Variants in GORASP1 observed in about 807,000 individuals in gnomAD.
GORASP1 encodes the protein Golgi reassembly-stacking protein 1.
Under a neutral mutation model 37.7 loss-of-function variants are expected in GORASP1, and 31 were observed. The ratio of observed to expected loss-of-function variants is 0.82; its 90% CI spans 0.62 to 1.11. The LOEUF is 1.11. Among genes scored for constraint, GORASP1 ranks in the 50% least tolerant of loss-of-function variants. The pLI, the probability that GORASP1 is intolerant of heterozygous loss-of-function variation, is 0.00. For synonymous variants in GORASP1, 204 were observed against 224.8 expected, an observed-to-expected ratio of 0.91 and a Z score of 0.83; for missense variants, 476 against 560.7, an observed-to-expected ratio of 0.85 and a Z score of 1.53.
chr3:39,098,258 G>T lies in GORASP1; in HGVS notation c.1301C>A (p.Ala434Asp). 1 of 1,614,116 alleles carries T rather than the reference G, an allele frequency of 6.2e-7. No homozygotes were observed. The highest frequency in any genetic ancestry group is 8.5e-7 in the Non-Finnish European group (1 of 1,180,026). ...GTEAEGLDSQ[A>D]QISTTE ...GTGTTATTCTGTGGTAGAGATCTGGGCCTGGCTGTCCAGCCCCTCAGCCTC... is the reference window on the plus strand; with the variant it reads ...GTGTTATTCTGTGGTAGAGATCTGGTCCTGGCTGTCCAGCCCCTCAGCCTC... Residue 434 changes from alanine (A) to aspartate (D), a missense_variant, in exon 9 of 9, where the codon GCC becomes GAC. Physicochemically the swap from Ala to Asp is moderately radical, Grantham distance 126. Coordinates refer to ENST00000319283, the MANE Select transcript of GORASP1 (RefSeq NM_031899.4). This position sits in a 1 kb window ranked among gnomAD's most constrained non-coding sequence, Gnocchi z 4.7.
chr3:39,104,290 T>C lies in GORASP1; in HGVS notation c.64-737A>G, dbSNP rs560415201. 3.9e-5 allele frequency among the ~76,000 whole-genome samples: 6 copies of C among 152,222 alleles called. No homozygotes were observed. In the East Asian group the frequency reaches 1.2e-3, roughly 29 times the overall value. On this transcript the variant is annotated intron_variant, in intron 1 of 8. Coordinates refer to ENST00000319283, the MANE Select transcript of GORASP1 (RefSeq NM_031899.4). ...TGCAGGACACCTCCTCCAGGAAGCATTCCCATTTCCAGGGTGCTCCCTGCC... is the reference window on the plus strand; with the variant it reads ...TGCAGGACACCTCCTCCAGGAAGCACTCCCATTTCCAGGGTGCTCCCTGCC...
Position 39,100,237 on chromosome 3 carries a change from C to T in GORASP1, c.765+68G>A. ...TCACAAAGGCCCCTGGTGAGGGTTG[C>T]TGATGGCTCCCCAAGGGCAGCCTCT... On this transcript the variant is annotated intron_variant, in intron 6 of 8. Coordinates refer to ENST00000319283, the MANE Select transcript of GORASP1 (RefSeq NM_031899.4). This position sits in a 1 kb window ranked among gnomAD's most constrained non-coding sequence, Gnocchi z 4.6. 7.1e-7 allele frequency: 1 copy of T among 1,414,534 alleles called. No homozygotes were observed. Among genetic ancestry groups the T allele is most frequent in the Admixed American group, 1.7e-5 (1 of 59,056 alleles). 87.6% of individuals were successfully genotyped at this position (1,414,534 alleles called of 1,614,324 possible).
At chr3:39,099,646 A>G in intron 6 of GORASP1, 143 bp from the exon 7 acceptor site, 1 of 902,232 alleles carries the variant, frequency 1.1e-6, no homozygotes, top group Non-Finnish European at 1.7e-6. Flanking sequence ...TTAATAAACC[A>G]CCCCTTCTTC....
chr3:39,104,898 G>T (rs1372332046), intron 1 of GORASP1, among the ~76,000 whole-genome samples: 1 of 152,214 alleles, frequency 6.6e-6, no homozygotes, highest in African/African-American at 2.4e-5. Flanking sequence ...CAGGTGAGGG[G>T]ATCTTTCGAA....
Position 39,098,747 on chromosome 3 carries a change from G to A in GORASP1, c.1063C>T (p.Arg355Trp), listed in dbSNP as rs768049917. 3.2e-5 allele frequency: 51 copies of A among 1,613,724 alleles called. No homozygotes were observed. The highest frequency in any genetic ancestry group is 2.1e-4 in the South Asian group (19 of 91,062). ...GAAGGTGATGGCCACTCACCACCCCGCTCATGAGAACTGCTGCTGGAGCAG... is the reference window on the plus strand; with the variant it reads ...GAAGGTGATGGCCACTCACCACCCCACTCATGAGAACTGCTGCTGGAGCAG... ...DICSSSSSHE[R>W]GGEATWSGSE... The change falls in exon 8 of 9, where the codon CGG becomes TGG. Residue 355 changes from arginine to tryptophan, a missense_variant. Coordinates refer to ENST00000319283, the MANE Select transcript of GORASP1 (RefSeq NM_031899.4). This position sits in a 1 kb window ranked among gnomAD's most constrained non-coding sequence, Gnocchi z 4.7.
chr3:39,100,452 G>A lies in GORASP1; in HGVS notation c.618C>T (p.Pro206=). 1 of 1,606,876 alleles carries A rather than the reference G, an allele frequency of 6.2e-7. No individual in the cohort carries two copies. Among genetic ancestry groups the A allele is most frequent in the African/African-American group, 1.3e-5 (1 of 74,900 alleles). Residue 206 remains proline (P), a synonymous_variant, in exon 6 of 9, where the codon CCC becomes CCT. Coordinates refer to ENST00000319283, the MANE Select transcript of GORASP1 (RefSeq NM_031899.4). This position sits in a 1 kb window ranked among gnomAD's most constrained non-coding sequence, Gnocchi z 4.6. ...CAGGTGGCTTCTTGTGGTAGCTGGG[G>A]GGCTGAGTTGGGATCCGGTGTAGAT... The part of the protein sequence containing the change: ...YGYLHRIPTQ[P]PSYHKKPPGT...
chr3:39,099,300 C>T, intron 7 of GORASP1, 53 bp downstream of exon 7: 1 of 1,609,908 alleles, frequency 6.2e-7, no homozygotes, highest in Non-Finnish European at 8.5e-7. Context: ...ACATAGCTGC[C>T]AAAGTCCAGC....
chr3:39,102,684 A>G lies in GORASP1; in HGVS notation c.342T>C (p.His114=), dbSNP rs751483338. 2 of 1,614,038 alleles carry G rather than the reference A, an allele frequency of 1.2e-6. No homozygotes were observed. The highest frequency in any genetic ancestry group is 1.7e-6 in the Non-Finnish European group (2 of 1,180,004). ...TGCCATACCCCACACTCACCAGCAC[A>G]TGCCACACCTGCTCACTGGCCCTGC... The part of the protein sequence containing the change: ...SFRRASEQVW[H]VLDVEPSSPA... Residue 114 remains histidine, a synonymous_variant, in exon 3 of 9, where the codon CAT becomes CAC. Coordinates refer to ENST00000319283, the MANE Select transcript of GORASP1 (RefSeq NM_031899.4). The surrounding 1 kb of genome is among the most constrained non-coding windows in gnomAD (Gnocchi z 5.0).
Position 39,103,519 on chromosome 3 carries a change from A to C in GORASP1, c.98T>G (p.Leu33Arg). Residue 33 changes from leucine (L) to arginine (R), a missense_variant, in exon 2 of 9, where the codon CTG becomes CGG. Coordinates refer to ENST00000319283, the MANE Select transcript of GORASP1 (RefSeq NM_031899.4). This position sits in a 1 kb window ranked among gnomAD's most constrained non-coding sequence, Gnocchi z 5.2. ...QENSPAQQAGLEPYFDFIITI... is the reference protein window; with the variant it reads ...QENSPAQQAGREPYFDFIITI... ...GATGATGAAGTCAAAGTAGGGCTCC[A>C]GGCCCGCCTGCTGGGCTGGGGAGTT... is the stretch of plus-strand genomic sequence containing the variant. 6.2e-7 allele frequency: 1 copy of C among 1,613,568 alleles called. No individual in the cohort carries two copies. Among genetic ancestry groups the C allele is most frequent in the Non-Finnish European group, 8.5e-7 (1 of 1,179,882 alleles).
At chr3:39,101,839 C>G (rs1575459150) in intron 3 of GORASP1, among the ~76,000 whole-genome samples, 1 of 152,282 alleles carries the variant, frequency 6.6e-6, no homozygotes, top group African/African-American at 2.4e-5. Context: ...CTCCTTCCAC[C>G]AGGCTACAGG....
intron 3 of GORASP1, 197 bp from the exon 4 acceptor site, chr3:39,101,299 A>AG: frequency 1.6e-6 from 1 of 621,388 alleles, no homozygotes; most frequent in Non-Finnish European, 2.9e-6. Flanking sequence ...TGTCCAGCAG[A>AG]GGGCAGTACC....
At chr3:39,106,788 C>G (rs929405741) in intron 1 of GORASP1, among the ~76,000 whole-genome samples, 9 of 152,158 alleles carry the variant, frequency 5.9e-5, no homozygotes, top group African/African-American at 2.2e-4. Context: ...CAGCACACTC[C>G]GTTCTAGGAA....
chr3:39,100,290 A>AT lies in GORASP1; in HGVS notation c.765+14dup, dbSNP rs368865922. 197 of 1,612,778 alleles carry AT rather than the reference A, an allele frequency of 1.2e-4. 1 individual carries two copies. In the African/African-American group the frequency reaches 2.5e-3, roughly 20 times the overall value. On this transcript the variant is annotated intron_variant, in intron 6 of 8. Coordinates refer to ENST00000319283, the MANE Select transcript of GORASP1 (RefSeq NM_031899.4). This position sits in a 1 kb window ranked among gnomAD's most constrained non-coding sequence, Gnocchi z 4.6. ...AGTTTTCTGTCTTCCCAGTTGGCAG[A>AT]TTCTCCCCACATACCTCCATGTAGT...
chr3:39,100,232 G>T lies in GORASP1; in HGVS notation c.765+73C>A. ...TCAGATCACAAAGGCCCCTGGTGAG[G>T]GTTGCTGATGGCTCCCCAAGGGCAG... On this transcript the variant is annotated intron_variant, in intron 6 of 8. Coordinates refer to ENST00000319283, the MANE Select transcript of GORASP1 (RefSeq NM_031899.4). The surrounding 1 kb of genome is among the most constrained non-coding windows in gnomAD (Gnocchi z 4.6). The T allele has an allele frequency of 7.5e-7, 1 of 1,335,146 alleles. No individual in the cohort carries two copies. The highest frequency in any genetic ancestry group is 1.1e-6 in the Non-Finnish European group (1 of 929,746). 82.7% of individuals were successfully genotyped at this position (1,335,146 alleles called of 1,614,324 possible). A position where few individuals can be genotyped will look rare whatever the true frequency, so the allele number is the denominator to read the frequency against.
At position 39,097,945 on chromosome 3, in the gene GORASP1, C is replaced by T; in HGVS notation, c.*291G>A. On this transcript the variant is annotated 3_prime_UTR_variant, in exon 9 of 9. Transcript: ENST00000319283. ...GGAAGAATCAAAGCGACCAGGCCAA[C>T]ACTGGACAGCAACCCCTTCCTTCCT... 1 of 444,764 alleles carries T rather than the reference C, an allele frequency of 2.2e-6. No homozygotes were observed. Among genetic ancestry groups the T allele is most frequent in the Non-Finnish European group, 4.1e-6 (1 of 243,554 alleles). 27.6% of individuals were successfully genotyped at this position (444,764 alleles called of 1,614,324 possible). A position where few individuals can be genotyped will look rare whatever the true frequency, so the allele number is the denominator to read the frequency against.
chr3:39,102,934 C>G lies in GORASP1; in HGVS notation c.145-53G>C, dbSNP rs1350445230. 2 of 1,551,078 alleles carry G rather than the reference C, an allele frequency of 1.3e-6. No homozygotes were observed. Among genetic ancestry groups the G allele is most frequent in the Non-Finnish European group, 1.8e-6 (2 of 1,122,702 alleles). On this transcript the variant is annotated intron_variant, in intron 2 of 8. Coordinates refer to ENST00000319283, the MANE Select transcript of GORASP1 (RefSeq NM_031899.4). This position sits in a 1 kb window ranked among gnomAD's most constrained non-coding sequence, Gnocchi z 5.0. ...GGCCACCTCATGCCCAGGCTAGGACCCTCAGACAAGTCTGGGCCTGAGATG... is the reference window on the plus strand; with the variant it reads ...GGCCACCTCATGCCCAGGCTAGGACGCTCAGACAAGTCTGGGCCTGAGATG...
In GORASP1 at chr3:39,100,407, A is replaced by C. The variant is rs1267034126; in HGVS notation, c.663T>G (p.Ala221=). Reference sequence around the variant, plus strand: ...CAGGTGGTGGGGCACCAAGTGGTAGAGCAGAAGGTGGTGGGGTGCCAGGTG... The same window carrying C: ...CAGGTGGTGGGGCACCAAGTGGTAGCGCAGAAGGTGGTGGGGTGCCAGGTG... ...KKPPGTPPPS[A]LPLGAPPPDA... Residue 221 remains alanine (A), a synonymous_variant, in exon 6 of 9, where the codon GCT becomes GCG. Transcript: ENST00000319283. This position sits in a 1 kb window ranked among gnomAD's most constrained non-coding sequence, Gnocchi z 4.6. 1 of 1,613,662 alleles carries C rather than the reference A, an allele frequency of 6.2e-7. No homozygotes were observed. The highest frequency in any genetic ancestry group is 1.3e-5 in the African/African-American group (1 of 74,896).
Position 39,098,619 on chromosome 3 carries a change from AATGC to A in GORASP1, c.1069+118_1069+121del. On this transcript the variant is annotated intron_variant, in intron 8 of 8. Coordinates refer to ENST00000319283, the MANE Select transcript of GORASP1 (RefSeq NM_031899.4). The surrounding 1 kb of genome is among the most constrained non-coding windows in gnomAD (Gnocchi z 4.7). ...TGGGGGATTGGAGATGGAGTGTACA[AATGC>A]CTTGGTGTGGCTGTATCAACCCGAT... The A allele has an allele frequency of 2.0e-6, 3 of 1,502,904 alleles. No homozygotes were observed. The Admixed American group carries it at 5.8e-5, about 29-fold the overall frequency. 93.1% of individuals were successfully genotyped at this position (1,502,904 alleles called of 1,614,324 possible).
rs529177255 is a variant in GORASP1, at chr3:39,107,563, C to T, written c.-22G>A. 8.1e-6 allele frequency: 12 copies of T among 1,489,876 alleles called. No homozygotes were observed. The South Asian group carries it at 1.6e-4, about 19-fold the overall frequency. The allele number at this position is 1,489,876 out of a possible 1,614,324, so 92.3% of individuals were successfully genotyped here. ...CCATGGCAGCGGCTCCGCTCGGCAC[C>T]CAGGTCCAGTCCCGCTGCGCCTACC... On this transcript the variant is annotated 5_prime_UTR_variant, in exon 1 of 9. Transcript: ENST00000319283.
Sources: gnomAD v4.1 joint callset for allele counts (sites outside exome capture counted in the v4.1 genomes callset) on GRCh38, gnomAD v4.1.1 for gene constraint, Gnocchi (gnomAD v3.1) non-coding constraint, MANE v1.5 for transcripts, NCBI Gene and HGNC (gene_info 2026-07-23, HGNC 2026-07-21) for gene names.